Variants in GARRE1 observed in about 807,000 individuals in gnomAD.
GARRE1 encodes granule associated Rac and RHOG effector 1.
Under a neutral mutation model 103.2 loss-of-function variants are expected in GARRE1, and 49 were observed. That is an observed-to-expected ratio of 0.47 (90% CI 0.38 to 0.60). The LOEUF is 0.60. Ranked by LOEUF, GARRE1 falls within the 20% of genes least tolerant of loss-of-function variation. The pLI, the probability that GARRE1 is intolerant of heterozygous loss-of-function variation, is 0.00. For missense variants in GARRE1, 1,199 were observed against 1,370.5 expected, an observed-to-expected ratio of 0.87 and a Z score of 1.98; for synonymous variants, 505 against 532.8, an observed-to-expected ratio of 0.95 and a Z score of 0.72.
chr19:34,300,436 G>A lies in GARRE1; in HGVS notation c.-38G>A, dbSNP rs2073971078. On this transcript the variant is annotated 5_prime_UTR_variant, in exon 2 of 14. Coordinates refer to ENST00000299505, the MANE Select transcript of GARRE1 (RefSeq NM_014686.5). The stretch of plus-strand genomic sequence containing the variant: ...TTTGAGAAAGAAGAATCAGAACCCT[G>A]ACCCACTTACGGTTGCTGGGACAAT... 6.6e-7 allele frequency: 1 copy of A among 1,514,984 alleles called. No individual in the cohort carries two copies. Among genetic ancestry groups the A allele is most frequent in the Non-Finnish European group, 8.8e-7 (1 of 1,130,260 alleles). The allele number at this position is 1,514,984 out of a possible 1,614,324, so 93.8% of individuals were successfully genotyped here. A position where few individuals can be genotyped will look rare whatever the true frequency, so the allele number is the denominator to read the frequency against.
intron 1 of GARRE1, among the ~76,000 whole-genome samples, chr19:34,278,393 G>A (rs1389299850): frequency 7.7e-6 from 1 of 130,550 alleles, no homozygotes; most frequent in Non-Finnish European, 1.5e-5. Flanking sequence ...ACAGTAAACC[G>A]AAATTGTGCC....
chr19:34,328,497 C>T (rs1244747889), intron 6 of GARRE1, among the ~76,000 whole-genome samples: 1 of 148,220 alleles, frequency 6.7e-6, no homozygotes, highest in African/African-American at 2.5e-5. Flanking sequence ...CCATTGCACT[C>T]CAACCTGGGC....
At chr19:34,297,137 A>T (rs1185601930) in intron 1 of GARRE1, among the ~76,000 whole-genome samples, 1 of 152,078 alleles carries the variant, frequency 6.6e-6, no homozygotes, top group African/African-American at 2.4e-5. Flanking sequence ...AAATACAAAA[A>T]ATTAGCCAGG....
intron 7 of GARRE1, 98 bp downstream of exon 7, chr19:34,330,445 T>C: frequency 7.9e-7 from 1 of 1,266,878 alleles, no homozygotes; most frequent in South Asian, 1.4e-5. Flanking sequence ...ATTGAATAAT[T>C]TAAAAAGTTA....
At chr19:34,344,679 C>T (rs942987041) in intron 10 of GARRE1, among the ~76,000 whole-genome samples, 2 of 151,616 alleles carry the variant, frequency 1.3e-5, no homozygotes, top group Non-Finnish European at 2.9e-5. Context: ...ACACTCCTTT[C>T]TCTTTTTTTT....
Position 34,256,797 on chromosome 19 carries a change from ATTTTC to A in GARRE1, c.-796+2189_-796+2193del, listed in dbSNP as rs569150684. On this transcript the variant is annotated intron_variant, in intron 1 of 13. Coordinates refer to ENST00000299505, the MANE Select transcript of GARRE1 (RefSeq NM_014686.5). ...TTCAAGTGTCTTTAAAAATCACAGT[ATTTTC>A]TTTTCACAGTATCTTCACAATATTT... is the stretch of plus-strand genomic sequence containing the variant. Among the ~76,000 whole-genome samples the A allele has an allele frequency of 5.3e-5, 8 of 152,100 alleles. No homozygotes were observed. In the East Asian group the frequency reaches 1.4e-3, roughly 26 times the overall value.
At position 34,296,518 on chromosome 19, in the gene GARRE1, C is replaced by T. The variant is rs1021385938; in HGVS notation, c.-795-3161C>T. On this transcript the variant is annotated intron_variant, in intron 1 of 13. Coordinates refer to ENST00000299505, the MANE Select transcript of GARRE1 (RefSeq NM_014686.5). ...TTGGGCTTAACCTCCTTGGGCTTTA[C>T]GAGGGCCTTGATAGCCTCGGCACGT... The T allele has an allele frequency of 6.3e-5, 100 of 1,595,370 alleles. No individual in the cohort carries two copies. The South Asian group carries it at 9.2e-4, about 15-fold the overall frequency.
intron 1 of GARRE1, among the ~76,000 whole-genome samples, chr19:34,284,746 C>T (rs756774765): frequency 6.6e-6 from 1 of 152,074 alleles, no homozygotes. Context: ...AATGTTTTCC[C>T]AGTGAAAATT....
intron 1 of GARRE1, among the ~76,000 whole-genome samples, chr19:34,270,654 C>T (rs923908995): frequency 3.9e-5 from 6 of 152,170 alleles, no homozygotes; most frequent in Non-Finnish European, 5.9e-5. Flanking sequence ...GTTTTCTAAA[C>T]GACTTATTTA....
Position 34,260,168 on chromosome 19 carries a change from C to T in GARRE1, c.-796+5554C>T, listed in dbSNP as rs1401600044. ...ACCCACACTCTGATCAATTAGCAGCCATCAACATCACGGCAAGACCCTCTG... is the reference window on the plus strand; with the variant it reads ...ACCCACACTCTGATCAATTAGCAGCTATCAACATCACGGCAAGACCCTCTG... On this transcript the variant is annotated intron_variant, in intron 1 of 13. Transcript: ENST00000299505. 3.3e-5 allele frequency among the ~76,000 whole-genome samples: 5 copies of T among 152,342 alleles called. No homozygotes were observed. In the East Asian group the frequency reaches 9.6e-4, roughly 29 times the overall value.
chr19:34,280,865 T>G (rs1347122928), intron 1 of GARRE1, among the ~76,000 whole-genome samples: 1 of 151,976 alleles, frequency 6.6e-6, no homozygotes, highest in Non-Finnish European at 1.5e-5. Flanking sequence ...TTTAACTAGT[T>G]CTGATTCTTT....
intron 1 of GARRE1, among the ~76,000 whole-genome samples, chr19:34,257,224 T>A (rs1223901142): frequency 6.6e-6 from 1 of 152,152 alleles, no homozygotes; most frequent in African/African-American, 2.4e-5. Flanking sequence ...GTTTGTTCTG[T>A]TGAAAACCTA....
intron 1 of GARRE1, among the ~76,000 whole-genome samples, chr19:34,286,532 TC>T (rs1387245091): frequency 7.9e-6 from 1 of 127,126 alleles, no homozygotes. Flanking sequence ...CTTTCTGTAT[TC>T]TTTTTTTTTT....
At chr19:34,326,720 C>G (rs1747002819) in intron 3 of GARRE1, among the ~76,000 whole-genome samples, 1 of 151,484 alleles carries the variant, frequency 6.6e-6, no homozygotes, top group Non-Finnish European at 1.5e-5. Context: ...ACTCCAAGTA[C>G]CAATATTCTA....
intron 8 of GARRE1, among the ~76,000 whole-genome samples, chr19:34,336,786 T>C (rs2074163056): frequency 2.0e-5 from 3 of 152,248 alleles, no homozygotes; most frequent in African/African-American, 7.2e-5. Context: ...TCTTAAATTT[T>C]TCCAATTCAG....
chr19:34,307,562 GTATTTTTTATATATGTATGTATA>G (rs936046834), intron 2 of GARRE1, among the ~76,000 whole-genome samples: 2 of 146,802 alleles, frequency 1.4e-5, no homozygotes, highest in Non-Finnish European at 3.0e-5. Context: ...TATAAAATAT[GTATTTTTTATATATGTATGTATA>G]TATATACACA....
At chr19:34,347,612 C>G (rs1189763447) in intron 10 of GARRE1, among the ~76,000 whole-genome samples, 1 of 152,144 alleles carries the variant, frequency 6.6e-6, no homozygotes, top group Non-Finnish European at 1.5e-5. Context: ...CTTTTTGTTT[C>G]TTTCACACTT....
intron 1 of GARRE1, among the ~76,000 whole-genome samples, chr19:34,290,406 C>T (rs762491397): frequency 1.1e-4 from 17 of 152,042 alleles, no homozygotes; most frequent in Non-Finnish European, 1.8e-4. Context: ...ATGTACCAAA[C>T]GTCATAGCTT....
intron 3 of GARRE1, among the ~76,000 whole-genome samples, chr19:34,325,937 G>A (rs1320487707): frequency 1.3e-5 from 2 of 152,138 alleles, no homozygotes; most frequent in South Asian, 4.1e-4. Flanking sequence ...CTCACCCTAA[G>A]TGCTGCTTTC....
Sources: gnomAD v4.1 joint callset for allele counts (sites outside exome capture counted in the v4.1 genomes callset) on GRCh38, gnomAD v4.1.1 for gene constraint, MANE v1.5 for transcripts, NCBI Gene and HGNC (gene_info 2026-07-23, HGNC 2026-07-21) for gene names.